TMEM248: variants seen among roughly 807,000 people sequenced by gnomAD.
TMEM248 encodes the protein transmembrane protein 248.
TMEM248 carries 9 observed loss-of-function variants against 30.3 expected under a neutral mutation model. The ratio of observed to expected loss-of-function variants is 0.30; its 90% CI spans 0.18 to 0.52. The LOEUF is 0.52. Among genes scored for constraint, TMEM248 ranks in the 20% least tolerant of loss-of-function variants. The probability of loss-of-function intolerance (pLI) is 0.97; values close to 1 mark genes in which losing one functional copy is unlikely to be tolerated. For missense variants in TMEM248, 338 were observed against 403.3 expected (o/e 0.84, Z 1.39); for synonymous variants, 184 against 154.4 (o/e 1.19, Z -1.42).
At chr7:66,951,204 A>G (rs1792261569) in intron 5 of TMEM248, 69 bp downstream of exon 5, 2 of 1,427,646 alleles carry the variant, frequency 1.4e-6, no homozygotes, top group South Asian at 3.2e-5. Flanking sequence ...ATGTGCTGCA[A>G]CCGTTGGTGT....
intron 1 of TMEM248, among the ~76,000 whole-genome samples, chr7:66,931,425 T>C (rs1562937945): frequency 6.6e-6 from 1 of 152,030 alleles, no homozygotes; most frequent in East Asian, 1.9e-4. Flanking sequence ...GCTTCCTGTG[T>C]CTGTGGCATA....
chr7:66,925,737 A>T (rs12530806), intron 1 of TMEM248, among the ~76,000 whole-genome samples: 5 of 146,072 alleles, frequency 3.4e-5, no homozygotes, highest in African/African-American at 7.7e-5. Flanking sequence ...TGTTGCCTGG[A>T]TTCAAGCGAT....
intron 4 of TMEM248, among the ~76,000 whole-genome samples, chr7:66,949,840 C>T (rs544463821): frequency 6.6e-6 from 1 of 151,594 alleles, no homozygotes; most frequent in Non-Finnish European, 1.5e-5. Context: ...TCTCTCCTGT[C>T]TCTATAAAGG....
intron 1 of TMEM248, among the ~76,000 whole-genome samples, chr7:66,934,780 G>A (rs1791759350): frequency 6.6e-6 from 1 of 152,066 alleles, no homozygotes; most frequent in South Asian, 2.1e-4. Flanking sequence ...GGCCAGGTGT[G>A]GTGGTTCACA....
intron 1 of TMEM248, among the ~76,000 whole-genome samples, chr7:66,932,864 G>A (rs1791703915): frequency 6.8e-6 from 1 of 146,934 alleles, no homozygotes; most frequent in South Asian, 2.1e-4. Flanking sequence ...AGATCCTGTG[G>A]GTGTTTTGTT....
Position 66,930,155 on chromosome 7 carries a change from C to CA in TMEM248, c.-19+8702dup, listed in dbSNP as rs141377591. ...TGGGCACCAGAGCCAGACCCTGTCT[C>CA]AAAAAAAAGAATGACTGGCAGGGAT... On this transcript the variant is annotated intron_variant, in intron 1 of 6. Transcript: ENST00000341567. 6.6e-5 allele frequency among the ~76,000 whole-genome samples: 10 copies of CA among 151,774 alleles called. No individual in the cohort carries two copies. The South Asian group carries it at 1.2e-3, about 19-fold the overall frequency.
At position 66,945,828 on chromosome 7, in the gene TMEM248, G is replaced by A. The variant is rs527720124; in HGVS notation, c.445+567G>A. Among the ~76,000 whole-genome samples, 8 of 152,306 alleles carry A rather than the reference G, an allele frequency of 5.3e-5. No individual in the cohort carries two copies. The East Asian group carries it at 1.5e-3, about 29-fold the overall frequency. ...TGGCCGGGCGCGGTGGCTCACGCCT[G>A]TAATCCGAGCACTTTGGGAGGCCAA... On this transcript the variant is annotated intron_variant, in intron 3 of 6. Transcript: ENST00000341567.
chr7:66,954,390 T>A (rs1584419415), intron 6 of TMEM248, among the ~76,000 whole-genome samples: 2 of 148,752 alleles, frequency 1.3e-5, no homozygotes, highest in African/African-American at 4.9e-5. Context: ...TTAATTTTTT[T>A]TTTTTTTTTT....
intron 1 of TMEM248, among the ~76,000 whole-genome samples, chr7:66,941,018 G>C (rs192510333): frequency 1.8e-4 from 27 of 152,142 alleles, no homozygotes; most frequent in Admixed American, 1.6e-3. Flanking sequence ...GGGAGGCTGA[G>C]GCAGGAGGAT....
intron 4 of TMEM248, among the ~76,000 whole-genome samples, chr7:66,950,412 T>C (rs1792230692): frequency 6.6e-6 from 1 of 152,270 alleles, no homozygotes; most frequent in South Asian, 2.1e-4. Flanking sequence ...TAAGGGGTTT[T>C]CCACCTTTTA....
Position 66,951,047 on chromosome 7 carries a change from A to G in TMEM248, c.692A>G (p.Gln231Arg). 1 of 1,613,394 alleles carries G rather than the reference A, an allele frequency of 6.2e-7. No homozygotes were observed. Residue 231 changes from glutamine to arginine, a missense_variant, in exon 5 of 7, where the codon CAA becomes CGA. Physicochemically the swap from Gln to Arg is conservative, Grantham distance 43. Transcript: ENST00000341567. ...TARDANTKYA[Q>R]DYNPFWCYKG... The stretch of plus-strand genomic sequence containing the variant: ...AGAGATGCCAACACAAAATACGCCC[A>G]AGATTACAATCCTTTCTGGTGTTAT...
intron 1 of TMEM248, among the ~76,000 whole-genome samples, chr7:66,939,909 G>A (rs993513363): frequency 6.6e-6 from 1 of 152,122 alleles, no homozygotes; most frequent in East Asian, 1.9e-4. Context: ...GGCTGAGGGT[G>A]ACCAGGGAAG....
At position 66,941,949 on chromosome 7, in the gene TMEM248, C is replaced by T. The variant is rs780848714; in HGVS notation, c.84C>T (p.Ser28=). The change falls in exon 2 of 7, where the codon AGC becomes AGT. Residue 28 remains serine, a synonymous_variant. Transcript: ENST00000341567. ...TGGTGGTCTTCATGATCAGCGTAAG[C>T]GCCATGGCCATAGCTTTCCTGACCC... ...PPLVVFMISV[S]AMAIAFLTLG... 7 of 1,614,014 alleles carry T rather than the reference C, an allele frequency of 4.3e-6. No homozygotes were observed. Among genetic ancestry groups the T allele is most frequent in the South Asian group, 1.1e-5 (1 of 91,086 alleles).
chr7:66,940,163 A>G (rs1387791629), intron 1 of TMEM248, among the ~76,000 whole-genome samples: 1 of 152,124 alleles, frequency 6.6e-6, no homozygotes, highest in Non-Finnish European at 1.5e-5. Context: ...CATGTTGGCC[A>G]GGCTGGTCTC....
chr7:66,933,652 A>G (rs1302582729), intron 1 of TMEM248, among the ~76,000 whole-genome samples: 1 of 152,150 alleles, frequency 6.6e-6, no homozygotes, highest in Non-Finnish European at 1.5e-5. Flanking sequence ...GTTGCTAGAG[A>G]TATCTTTGGG....
intron 3 of TMEM248, among the ~76,000 whole-genome samples, chr7:66,945,591 G>A (rs1409796883): frequency 1.3e-5 from 2 of 152,296 alleles, no homozygotes; most frequent in Non-Finnish European, 2.9e-5. Context: ...ATTGCTATTA[G>A]TTTACATATT....
chr7:66,952,224 C>G (rs562181454), intron 5 of TMEM248, among the ~76,000 whole-genome samples: 2 of 152,254 alleles, frequency 1.3e-5, no homozygotes, highest in Non-Finnish European at 2.9e-5. Flanking sequence ...CAGGCACCTG[C>G]CAACACGCCC....
At chr7:66,944,685 A>AT (rs1476161627) in intron 2 of TMEM248, among the ~76,000 whole-genome samples, 1 of 152,162 alleles carries the variant, frequency 6.6e-6, no homozygotes, top group Non-Finnish European at 1.5e-5. Flanking sequence ...AATATGCTGG[A>AT]TTTTTTAAAA....
At chr7:66,929,825 T>G (rs930450192) in intron 1 of TMEM248, among the ~76,000 whole-genome samples, 1 of 152,062 alleles carries the variant, frequency 6.6e-6, no homozygotes, top group African/African-American at 2.4e-5. Context: ...GTGGAAACGA[T>G]AGGACTTGGT....
Sources: allele counts gnomAD v4.1 joint callset (sites outside exome capture counted in the v4.1 genomes callset), GRCh38; gene constraint gnomAD v4.1.1; transcripts MANE v1.5; gene names NCBI Gene and HGNC (gene_info 2026-07-23, HGNC 2026-07-21).